IPO7: variants seen among roughly 807,000 people sequenced by gnomAD.
The protein encoded by IPO7 is importin-7.
In IPO7, 13 loss-of-function variants were observed where a neutral mutation model predicts 136.4. The observed-to-expected ratio is 0.10, with a 90% CI of 0.06 to 0.15. The LOEUF is 0.15. IPO7 is among the 10% of genes least tolerant of loss of function. The probability of loss-of-function intolerance (pLI) is 1.00; values close to 1 mark genes in which losing one functional copy is unlikely to be tolerated. For missense variants in IPO7, 857 were observed against 1,240.6 expected, an observed-to-expected ratio of 0.69 and a Z score of 4.65; for synonymous variants, 403 against 404.4, an observed-to-expected ratio of 1.00 and a Z score of 0.04.
intron 4 of IPO7, among the ~76,000 whole-genome samples, chr11:9,412,487 A>G (rs963566644): frequency 1.4e-4 from 21 of 152,186 alleles, no homozygotes; most frequent in Non-Finnish European, 1.0e-4. Flanking sequence ...AGTAATCTGT[A>G]TTTTAAAAAT....
At chr11:9,397,361 T>TATATATATATATATATATATAA (rs377148636) in intron 1 of IPO7, among the ~76,000 whole-genome samples, 1 of 42,282 alleles carries the variant, frequency 2.4e-5, no homozygotes, top group African/African-American at 1.1e-4. Context: ...TATATATATA[T>TATATATATATATATATATATAA]ATATTAGTCG....
In IPO7 at chr11:9,408,548, G is replaced by C; in HGVS notation, c.229G>C (p.Asp77His). The C allele has an allele frequency of 6.2e-7, 1 of 1,608,256 alleles. No individual in the cohort carries two copies. ...GCCTGATCGAGAAACAGCACCAGGG[G>C]ATATATCCCCTTATACTATTCCAGA... Reference protein sequence around the residue: ...YWPDRETAPGDISPYTIPEED... With the variant: ...YWPDRETAPGHISPYTIPEED... Residue 77 changes from aspartate to histidine, a missense_variant, in exon 3 of 25, where the codon GAT becomes CAT. By Grantham distance (81) the Asp-to-His change is moderately conservative. This residue lies in a region of IPO7 where 287 missense variants were observed against 307.5 expected (regional missense o/e 0.93). Transcript: ENST00000379719.
At chr11:9,437,155 G>A (rs995925571) in intron 20 of IPO7, among the ~76,000 whole-genome samples, 8 of 151,570 alleles carry the variant, frequency 5.3e-5, no homozygotes, top group African/African-American at 1.9e-4. Flanking sequence ...CAAAAGTGCT[G>A]GGATCGCAGG....
intron 1 of IPO7, 109 bp from the exon 2 acceptor site, chr11:9,403,181 G>A (rs1379258347): frequency 1.4e-6 from 1 of 733,072 alleles, no homozygotes; most frequent in Non-Finnish European, 2.4e-6. Context: ...CAGTTATGAA[G>A]AGCCTTTTGT....
chr11:9,436,598 T>C (rs1855371997), intron 20 of IPO7, among the ~76,000 whole-genome samples: 1 of 151,884 alleles, frequency 6.6e-6, no homozygotes, highest in Non-Finnish European at 1.5e-5. Flanking sequence ...AAAGGTAAAC[T>C]TTTGCTTAAG....
intron 5 of IPO7, among the ~76,000 whole-genome samples, chr11:9,416,664 C>T (rs563612322): frequency 1.8e-4 from 27 of 152,254 alleles, no homozygotes; most frequent in Admixed American, 4.6e-4. Flanking sequence ...TTAACCCTTA[C>T]ATCACGTTAA....
chr11:9,405,841 C>T (rs577827472), intron 2 of IPO7, among the ~76,000 whole-genome samples: 15 of 150,900 alleles, frequency 9.9e-5, no homozygotes, highest in Admixed American at 2.6e-4. Context: ...GTCTCCTTTC[C>T]CTCCCTTCCC....
chr11:9,438,167 A>G lies in IPO7; in HGVS notation c.2577A>G (p.Gly859=), dbSNP rs761125926. The G allele has an allele frequency of 1.7e-5, 27 of 1,605,692 alleles. No individual in the cohort carries two copies. In the East Asian group the frequency reaches 4.0e-4, roughly 24 times the overall value. ...CCCAAGTTTTAAATCAGGTTTCTGG[A>G]CAGATTTTGCCGGCTTTTATCCTTT... is the stretch of plus-strand genomic sequence containing the variant. ...QIPQVLNQVS[G]QILPAFILLF... Residue 859 remains glycine, a synonymous_variant, in exon 22 of 25, where the codon GGA becomes GGG. Transcript: ENST00000379719.
At chr11:9,413,183 C>G (rs1358632470) in intron 4 of IPO7, among the ~76,000 whole-genome samples, 2 of 151,998 alleles carry the variant, frequency 1.3e-5, no homozygotes, top group Non-Finnish European at 2.9e-5. Context: ...CGGCCCCCAA[C>G]AGACTTTTTA....
At chr11:9,402,811 C>T in intron 1 of IPO7, 1 of 161,162 alleles carries the variant, frequency 6.2e-6, no homozygotes, top group Non-Finnish European at 1.3e-5. Context: ...CGAGATCACG[C>T]CACTGCACTC....
intron 1 of IPO7, chr11:9,402,703 T>A (rs1854818471): frequency 6.6e-6 from 1 of 152,130 alleles, no homozygotes. Flanking sequence ...ACTAAAAAAA[T>A]ACAAAAATTA....
intron 2 of IPO7, among the ~76,000 whole-genome samples, chr11:9,405,589 A>G (rs1173226738): frequency 6.6e-6 from 1 of 152,090 alleles, no homozygotes; most frequent in African/African-American, 2.4e-5. Flanking sequence ...TGCCCTGATA[A>G]TTGTTGTATT....
chr11:9,428,916 A>T, intron 13 of IPO7, 115 bp from the exon 14 acceptor site: 1 of 901,860 alleles, frequency 1.1e-6, no homozygotes, highest in Non-Finnish European at 1.9e-6. Flanking sequence ...GTCTCTGGAC[A>T]CATCTACCAC....
chr11:9,445,038 G>T (rs1442901772), intron 24 of IPO7, 59 bp from the exon 25 acceptor site: 6 of 1,071,574 alleles, frequency 5.6e-6, no homozygotes, highest in Non-Finnish European at 8.7e-6. Flanking sequence ...TGTTTTGTCA[G>T]TTTCTCACCA....
intron 1 of IPO7, among the ~76,000 whole-genome samples, chr11:9,401,413 C>T (rs569935506): frequency 6.6e-6 from 1 of 152,090 alleles, no homozygotes; most frequent in East Asian, 1.9e-4. Flanking sequence ...GAGAAGCAGG[C>T]TAAGTGTGGT....
At chr11:9,442,401 C>CG (rs1565005866) in intron 24 of IPO7, among the ~76,000 whole-genome samples, 2 of 151,600 alleles carry the variant, frequency 1.3e-5, no homozygotes, top group African/African-American at 4.8e-5. Flanking sequence ...TGGCTTTTTT[C>CG]GTTTTTTTTT....
intron 5 of IPO7, among the ~76,000 whole-genome samples, chr11:9,415,609 C>T (rs1855030058): frequency 6.6e-6 from 1 of 152,026 alleles, no homozygotes; most frequent in Non-Finnish European, 1.5e-5. Context: ...GAGGCCGAGG[C>T]GGGCGGATCA....
intron 10 of IPO7, 42 bp from the exon 11 acceptor site, chr11:9,424,872 G>A: frequency 8.5e-7 from 1 of 1,180,338 alleles, no homozygotes; most frequent in Non-Finnish European, 1.3e-6. Flanking sequence ...CTTTGTTGAA[G>A]AAATTAATGT....
intron 5 of IPO7, among the ~76,000 whole-genome samples, chr11:9,416,823 A>G (rs1855047842): frequency 6.6e-6 from 1 of 152,240 alleles, no homozygotes; most frequent in East Asian, 1.9e-4. Context: ...TTAGAAATCT[A>G]CAATAAATAT....
Sources: allele counts gnomAD v4.1 joint callset (sites outside exome capture counted in the v4.1 genomes callset), GRCh38; gene constraint gnomAD v4.1.1; regional missense constraint gnomAD v4.1.1; transcripts MANE v1.5; gene names NCBI Gene and HGNC (gene_info 2026-07-23, HGNC 2026-07-21).